Variants in TNR observed in about 807,000 individuals in gnomAD.
TNR encodes tenascin-R.
A neutral mutation model predicts 150.4 loss-of-function variants in TNR; 45 were observed. The ratio of observed to expected loss-of-function variants is 0.30; its 90% CI spans 0.24 to 0.38. The LOEUF (loss-of-function observed/expected upper bound fraction) is 0.38. Among genes scored for constraint, TNR ranks in the 10% least tolerant of loss-of-function variants. TNR has a pLI of 1.00. For missense variants in TNR, 1,544 were observed against 1,759.1 expected (o/e 0.88, Z 2.19); for synonymous variants, 687 against 678.4 (o/e 1.01, Z -0.20).
chr1:175,362,771 T>A lies in TNR; in HGVS notation c.2746A>T (p.Thr916Ser). 1 of 1,614,114 alleles carries A rather than the reference T, an allele frequency of 6.2e-7. No individual in the cohort carries two copies. The highest frequency in any genetic ancestry group is 8.5e-7 in the Non-Finnish European group (1 of 1,179,996). ...LDSSVVPNTVTEFTITRLNPA... is the reference protein window; with the variant it reads ...LDSSVVPNTVSEFTITRLNPA... ...TTCAGTCTGGTGATGGTGAATTCTG[T>A]CACAGTGTTGGGCACCACTGAGCTG... The change falls in exon 14 of 23, where the codon ACA (threonine) becomes TCA (serine). Residue 916 changes from threonine (T) to serine (S), a missense_variant. Physicochemically the swap from Thr to Ser is moderately conservative, Grantham distance 58. This residue lies in a region of TNR where 1,254 missense variants were observed against 1,329.4 expected (regional missense o/e 0.94). Coordinates refer to ENST00000367674, the MANE Select transcript of TNR (RefSeq NM_003285.3).
At chr1:175,325,480 A>T (rs1054434934) in intron 21 of TNR, among the ~76,000 whole-genome samples, 96 of 152,358 alleles carry the variant, frequency 6.3e-4, no homozygotes, top group Non-Finnish European at 3.1e-4. Flanking sequence ...AGGATCTAGA[A>T]CTAGAAATAC....
At chr1:175,740,270 C>G (rs939897666) in intron 1 of TNR, among the ~76,000 whole-genome samples, 6 of 152,176 alleles carry the variant, frequency 3.9e-5, no homozygotes, top group African/African-American at 1.2e-4. Context: ...TGCACAAACA[C>G]AAGTCAGAAA....
At chr1:175,369,657 G>T (rs995972301) in intron 9 of TNR, among the ~76,000 whole-genome samples, 1 of 92,122 alleles carries the variant, frequency 1.1e-5, no homozygotes, top group Non-Finnish European at 2.5e-5. Flanking sequence ...TCTGTGACCA[G>T]CTAGAGATGC....
chr1:175,449,583 C>T (rs1656214307), intron 2 of TNR, among the ~76,000 whole-genome samples: 1 of 152,184 alleles, frequency 6.6e-6, no homozygotes. Context: ...TGGCTGCTGC[C>T]TGTCCCTGGA....
At chr1:175,516,754 G>A (rs1659421193) in intron 2 of TNR, among the ~76,000 whole-genome samples, 1 of 151,850 alleles carries the variant, frequency 6.6e-6, no homozygotes, top group Non-Finnish European at 1.5e-5. Flanking sequence ...GAAGAATTAG[G>A]GCACTATCTA....
intron 1 of TNR, among the ~76,000 whole-genome samples, chr1:175,569,672 A>T (rs919884036): frequency 6.6e-6 from 1 of 152,222 alleles, no homozygotes; most frequent in African/African-American, 2.4e-5. Context: ...ATAGCACACC[A>T]TGGCTGAGCT....
intron 8 of TNR, among the ~76,000 whole-genome samples, chr1:175,383,545 T>C (rs1206890412): frequency 2.0e-5 from 3 of 152,208 alleles, no homozygotes; most frequent in Admixed American, 2.0e-4. Context: ...TCACCGGCCA[T>C]GGTGCACTTT....
At chr1:175,391,237 T>C in intron 7 of TNR, 51 bp downstream of exon 7, 1 of 1,593,750 alleles carries the variant, frequency 6.3e-7, no homozygotes, top group Non-Finnish European at 8.5e-7. Context: ...TGTGGTTCTT[T>C]TCCAAGTGAC....
chr1:175,493,508 C>A (rs1172904462), intron 2 of TNR, among the ~76,000 whole-genome samples: 2 of 152,228 alleles, frequency 1.3e-5, no homozygotes, highest in African/African-American at 2.4e-5. Context: ...CCGCCCCACG[C>A]TCACCAGGAG....
chr1:175,624,014 GA>G (rs1664066083), intron 1 of TNR, among the ~76,000 whole-genome samples: 1 of 152,214 alleles, frequency 6.6e-6, no homozygotes, highest in Non-Finnish European at 1.5e-5. Context: ...CTAGCATGAT[GA>G]TGAGAGCCAC....
At chr1:175,434,264 T>C (rs902071103) in intron 2 of TNR, among the ~76,000 whole-genome samples, 9 of 152,172 alleles carry the variant, frequency 5.9e-5, no homozygotes, top group African/African-American at 2.2e-4. Context: ...CCACCTTTTA[T>C]GTTAGCATAT....
chr1:175,393,584 C>G (rs1422987761), intron 6 of TNR, among the ~76,000 whole-genome samples, 196 bp downstream of exon 6: 3 of 152,204 alleles, frequency 2.0e-5, no homozygotes, highest in African/African-American at 7.2e-5. Flanking sequence ...CTCAGGGCTA[C>G]TCTTGTCAGC....
intron 2 of TNR, among the ~76,000 whole-genome samples, chr1:175,423,115 G>A (rs759624304): frequency 2.6e-5 from 4 of 152,202 alleles, no homozygotes; most frequent in African/African-American, 7.2e-5. Flanking sequence ...ACTATTTATA[G>A]TGAGAATGAA....
At chr1:175,674,049 G>C (rs1231512638) in intron 1 of TNR, among the ~76,000 whole-genome samples, 2 of 152,170 alleles carry the variant, frequency 1.3e-5, no homozygotes, top group Non-Finnish European at 2.9e-5. Flanking sequence ...CCCCATCCTG[G>C]TGGCAAAGAG....
chr1:175,610,170 T>C (rs1210591443), intron 1 of TNR, among the ~76,000 whole-genome samples: 1 of 152,188 alleles, frequency 6.6e-6, no homozygotes, highest in Non-Finnish European at 1.5e-5. Context: ...AATGAATAAA[T>C]GCAAGAAAGC....
At position 175,406,370 on chromosome 1, in the gene TNR, T is replaced by C. The variant is rs141902626; in HGVS notation, c.345A>G (p.Thr115=). ...CCTTTTTGGGGAAGTTGATCCTGTGTGTAAAGGTGACCTGGCTCTCGTGGT... is the reference window on the plus strand; with the variant it reads ...CCTTTTTGGGGAAGTTGATCCTGTGCGTAAAGGTGACCTGGCTCTCGTGGT... ...TSDHESQVTF[T]HRINFPKKAC... is the part of the protein sequence containing the mutation. The change falls in exon 3 of 23, where the codon ACA becomes ACG. Residue 115 remains threonine (T), a synonymous_variant. Transcript: ENST00000367674. 2.6e-4 allele frequency: 417 copies of C among 1,613,994 alleles called. 1 individual carries two copies. Among genetic ancestry groups the C allele is most frequent in the Non-Finnish European group, 3.5e-4 (410 of 1,180,022 alleles).
At chr1:175,602,664 G>T (rs914180561) in intron 1 of TNR, among the ~76,000 whole-genome samples, 10 of 152,164 alleles carry the variant, frequency 6.6e-5, no homozygotes, top group Non-Finnish European at 1.0e-4. Context: ...AGTTGTTGAG[G>T]ATGCAGATTC....
intron 1 of TNR, among the ~76,000 whole-genome samples, chr1:175,662,080 G>A (rs574167291): frequency 6.6e-6 from 1 of 152,244 alleles, no homozygotes; most frequent in Non-Finnish European, 1.5e-5. Flanking sequence ...GAGCAGGATT[G>A]GAGCATGGGG....
intron 8 of TNR, among the ~76,000 whole-genome samples, chr1:175,382,734 T>C (rs1652739133): frequency 6.6e-6 from 1 of 152,072 alleles, no homozygotes; most frequent in Non-Finnish European, 1.5e-5. Flanking sequence ...ACCTCATCTC[T>C]ACTAAAAATC....
Sources: allele counts gnomAD v4.1 joint callset (sites outside exome capture counted in the v4.1 genomes callset), GRCh38; gene constraint gnomAD v4.1.1; regional missense constraint gnomAD v4.1.1; transcripts MANE v1.5; gene names NCBI Gene and HGNC (gene_info 2026-07-23, HGNC 2026-07-21).